Variants in UBR1 observed in about 807,000 individuals in gnomAD.
UBR1 encodes the protein ubiquitin protein ligase E3 component n-recognin 1.
Under a neutral mutation model 242.1 loss-of-function variants are expected in UBR1, and 102 were observed. The ratio of observed to expected loss-of-function variants is 0.42; its 90% confidence interval spans 0.36 to 0.50. The LOEUF (loss-of-function observed/expected upper bound fraction) is 0.50. Among genes scored for constraint, UBR1 ranks in the 20% least tolerant of loss-of-function variants. The pLI is 0.01. For missense variants in UBR1, 1,772 were observed against 2,101.8 expected (o/e 0.84, Z 3.07); for synonymous variants, 675 against 684.8 (o/e 0.99, Z 0.22).
Position 43,007,251 on chromosome 15 carries a change from A to G in UBR1, c.3243T>C (p.Ala1081=). ...TPAVSDYSRI[A]LGPKRGPSVT... ...CAGATGGACCCCGTTTAGGACCCAAAGCAATTCTAGAGTAGTCACTGACTG... is the reference window on the plus strand; with the variant it reads ...CAGATGGACCCCGTTTAGGACCCAAGGCAATTCTAGAGTAGTCACTGACTG... The change falls in exon 30 of 47, where the codon GCT becomes GCC. Residue 1081 remains alanine, a synonymous_variant. Coordinates refer to ENST00000290650, the MANE Select transcript of UBR1 (RefSeq NM_174916.3). The G allele has an allele frequency of 6.2e-7, 1 of 1,614,162 alleles. No individual in the cohort carries two copies. Among genetic ancestry groups the G allele is most frequent in the Non-Finnish European group, 8.5e-7 (1 of 1,180,022 alleles).
At chr15:43,007,786 T>A (rs1366846112) in intron 29 of UBR1, among the ~76,000 whole-genome samples, 1 of 152,212 alleles carries the variant, frequency 6.6e-6, no homozygotes, top group Non-Finnish European at 1.5e-5. Flanking sequence ...TATAGTATCT[T>A]ACATCATTAA....
intron 28 of UBR1, among the ~76,000 whole-genome samples, chr15:43,016,310 T>C (rs1450987138): frequency 6.6e-6 from 1 of 152,242 alleles, no homozygotes; most frequent in African/African-American, 2.4e-5. Flanking sequence ...TGGTGCATGT[T>C]AATTTTCTAT....
At chr15:43,052,852 A>G (rs984234978) in intron 12 of UBR1, among the ~76,000 whole-genome samples, 1 of 152,204 alleles carries the variant, frequency 6.6e-6, no homozygotes, top group Non-Finnish European at 1.5e-5. Flanking sequence ...GTGAGGCTAC[A>G]TGACATAGTG....
chr15:43,070,419 A>G (rs927690951), intron 5 of UBR1, among the ~76,000 whole-genome samples: 2 of 152,180 alleles, frequency 1.3e-5, no homozygotes, highest in Non-Finnish European at 2.9e-5. Flanking sequence ...CAAAGTCCCT[A>G]TCTTTGTTAA....
chr15:42,955,595 C>T (rs1204005363), intron 44 of UBR1, among the ~76,000 whole-genome samples: 1 of 152,140 alleles, frequency 6.6e-6, no homozygotes, highest in Non-Finnish European at 1.5e-5. Context: ...TGATATGATG[C>T]CTCCTGAGTA....
chr15:43,054,699 T>C, intron 12 of UBR1, 43 bp downstream of exon 12: 3 of 1,607,966 alleles, frequency 1.9e-6, no homozygotes, highest in Non-Finnish European at 2.6e-6. Flanking sequence ...ATAAGCACAC[T>C]GAGTTTAACA....
At chr15:43,004,727 T>C (rs2032780349) in intron 30 of UBR1, among the ~76,000 whole-genome samples, 1 of 152,114 alleles carries the variant, frequency 6.6e-6, no homozygotes, top group Admixed American at 6.5e-5. Context: ...CTCGGCTCGC[T>C]ACAACCCCCT....
intron 21 of UBR1, 148 bp downstream of exon 21, chr15:43,029,796 C>T: frequency 1.2e-6 from 1 of 812,698 alleles, no homozygotes; most frequent in South Asian, 1.8e-5. Flanking sequence ...AAATTTATAC[C>T]ACTAAAGGAT....
intron 33 of UBR1, among the ~76,000 whole-genome samples, chr15:42,991,995 TC>T (rs1446544785): frequency 1.3e-5 from 2 of 152,102 alleles, no homozygotes; most frequent in Non-Finnish European, 2.9e-5. Context: ...CAAGTGATCT[TC>T]CTGCCTGAAC....
intron 29 of UBR1, among the ~76,000 whole-genome samples, chr15:43,008,170 G>A (rs1006630016): frequency 2.0e-5 from 3 of 152,248 alleles, no homozygotes; most frequent in Admixed American, 6.5e-5. Context: ...CAGTGGAGGC[G>A]TGGCTGGGGC....
At chr15:43,025,251 C>T in intron 24 of UBR1, 130 bp downstream of exon 24, 1 of 937,950 alleles carries the variant, frequency 1.1e-6, no homozygotes, top group Non-Finnish European at 1.6e-6. Context: ...GAATAAGAAG[C>T]AAAAAGCTCT....
In UBR1 at chr15:43,088,900, G is replaced by A. The variant is rs568215966; in HGVS notation, c.82-2660C>T. On this transcript the variant is annotated intron_variant, in intron 1 of 46. Coordinates refer to ENST00000290650, the MANE Select transcript of UBR1 (RefSeq NM_174916.3). ...AGGGCTGGTGCACATGGTGGCTCAT[G>A]CCTGTAATCCCAGCACTTTGGGAGG... Among the ~76,000 whole-genome samples the A allele has an allele frequency of 5.3e-5, 8 of 152,162 alleles. No individual in the cohort carries two copies. In the South Asian group the frequency reaches 1.7e-3, roughly 32 times the overall value.
Position 43,007,226 on chromosome 15 carries a change from C to A in UBR1, c.3268G>T (p.Val1090Phe). The A allele has an allele frequency of 3.1e-6, 5 of 1,614,088 alleles. No homozygotes were observed. In the South Asian group the frequency reaches 5.5e-5, roughly 18 times the overall value. Residue 1090 changes from valine to phenylalanine, a missense_variant, in exon 30 of 47, where the codon GTT (valine) becomes TTT (phenylalanine). Val to Phe is a conservative substitution (Grantham distance 50, BLOSUM62 -1). Transcript: ENST00000290650. ...CACGTCAGCACCTCCTTTTCAGTAA[C>A]AGATGGACCCCGTTTAGGACCCAAA... ...IALGPKRGPS[V>F]TEKEVLTCIL...
At chr15:42,986,637 T>C (rs1379817693) in intron 35 of UBR1, among the ~76,000 whole-genome samples, 1 of 152,236 alleles carries the variant, frequency 6.6e-6, no homozygotes, top group Non-Finnish European at 1.5e-5. Context: ...TATATCCCAC[T>C]TGATTGAATC....
At position 43,015,670 on chromosome 15, in the gene UBR1, T is replaced by C. The variant is rs757492482; in HGVS notation, c.3209+18A>G. On this transcript the variant is annotated intron_variant, in intron 29 of 46. Transcript: ENST00000290650. ...AAAAAAAAATTGAGTTGGTAATTTT[T>C]GGTTTGCTTTATTTTACCTCTCTTC... is the stretch of plus-strand genomic sequence containing the variant. The C allele has an allele frequency of 1.9e-6, 3 of 1,612,462 alleles. No homozygotes were observed. Among genetic ancestry groups the C allele is most frequent in the East Asian group, 4.5e-5 (2 of 44,870 alleles).
At chr15:42,988,489 C>T (rs2032509056) in intron 35 of UBR1, 1 of 336,908 alleles carries the variant, frequency 3.0e-6, no homozygotes, top group Middle Eastern at 1.0e-3. Context: ...TGCTGTATTG[C>T]CCAGGCTGGT....
intron 37 of UBR1, among the ~76,000 whole-genome samples, chr15:42,981,143 A>G (rs1016350551): frequency 6.6e-6 from 1 of 152,152 alleles, no homozygotes; most frequent in Non-Finnish European, 1.5e-5. Context: ...TATCAAATTA[A>G]GCTCAGAATA....
chr15:43,044,004 A>G (rs1220346904), intron 14 of UBR1, among the ~76,000 whole-genome samples: 3 of 152,208 alleles, frequency 2.0e-5, no homozygotes, highest in African/African-American at 7.2e-5. Flanking sequence ...CTAAAAGAAT[A>G]TGCATAATTT....
intron 5 of UBR1, among the ~76,000 whole-genome samples, chr15:43,070,089 T>G (rs536610592): frequency 5.3e-5 from 8 of 152,044 alleles, no homozygotes; most frequent in Non-Finnish European, 8.8e-5. Context: ...TGGGCTGCAA[T>G]TTTGTGAAAA....
Sources: gnomAD v4.1 joint callset for allele counts (sites outside exome capture counted in the v4.1 genomes callset) on GRCh38, gnomAD v4.1.1 for gene constraint, MANE v1.5 for transcripts, NCBI Gene and HGNC (gene_info 2026-07-23, HGNC 2026-07-21) for gene names.